ATRNL1: variants seen among roughly 807,000 people sequenced by gnomAD.
The protein encoded by ATRNL1 is attractin like 1.
ATRNL1 carries 95 observed loss-of-function variants against 182.7 expected under a neutral mutation model. The ratio of observed to expected loss-of-function variants is 0.52; its 90% CI spans 0.44 to 0.62. The LOEUF (loss-of-function observed/expected upper bound fraction) is 0.62, where lower values mean the gene tolerates loss of function less well. ATRNL1 is among the 20% of genes least tolerant of loss of function. The pLI is 0.00. For missense variants in ATRNL1, 1,471 were observed against 1,679.5 expected (o/e 0.88, Z 2.17); for synonymous variants, 576 against 568.3 (o/e 1.01, Z -0.19).
chr10:115,727,887 GTA>G (rs1329776843), intron 27 of ATRNL1, among the ~76,000 whole-genome samples: 1 of 152,024 alleles, frequency 6.6e-6, no homozygotes, highest in Non-Finnish European at 1.5e-5. Flanking sequence ...CAGAAATAGA[GTA>G]TGATGAAACA....
chr10:115,300,139 C>A lies in ATRNL1; in HGVS notation c.2521C>A (p.Pro841Thr). The A allele has an allele frequency of 6.2e-7, 1 of 1,614,030 alleles. No homozygotes were observed. The highest frequency in any genetic ancestry group is 8.5e-7 in the Non-Finnish European group (1 of 1,179,918). ...AACACTACAGTGGCTTCCTGGCGAA[C>A]CCAATGATTCTGGGTTTTGTGCATA... Reference protein sequence around the residue: ...NTTLQWLPGEPNDSGFCAYLE... With the variant: ...NTTLQWLPGETNDSGFCAYLE... The change falls in exon 16 of 29, where the codon CCC becomes ACC. Residue 841 changes from proline to threonine, a missense_variant. By Grantham distance (38) the Pro-to-Thr change is conservative. This residue lies in a region of ATRNL1 where 1,031 missense variants were observed against 1,156.0 expected (regional missense o/e 0.89). Coordinates refer to ENST00000355044, the MANE Select transcript of ATRNL1 (RefSeq NM_207303.4).
intron 10 of ATRNL1, among the ~76,000 whole-genome samples, chr10:115,259,350 G>A (rs782289857): frequency 3.3e-5 from 5 of 151,894 alleles, no homozygotes; most frequent in African/African-American, 4.9e-5. Context: ...CAGCCAGGCC[G>A]CTGCCTCGCA....
intron 21 of ATRNL1, among the ~76,000 whole-genome samples, chr10:115,440,546 A>T (rs1362575911): frequency 6.6e-6 from 1 of 151,862 alleles, no homozygotes; most frequent in African/African-American, 2.4e-5. Context: ...TAATTCATTA[A>T]CCCTACTTGT....
intron 8 of ATRNL1, among the ~76,000 whole-genome samples, chr10:115,213,549 C>T (rs1159346074): frequency 5.3e-5 from 8 of 152,142 alleles, no homozygotes; most frequent in Admixed American, 4.6e-4. Context: ...TTCTCCAGTC[C>T]CTAGCCAGTC....
rs1027157374 is a variant in ATRNL1 at position 115,457,615 on chromosome 10, C to T, written c.3323-4326C>T. On this transcript the variant is annotated intron_variant, in intron 21 of 28. Transcript: ENST00000355044. The stretch of plus-strand genomic sequence containing the variant: ...GCCCGCACATTTCCCAACCCCTCAT[C>T]CTCCATTCTCTTTCTCAGCTGATGG... 5.3e-5 allele frequency among the ~76,000 whole-genome samples: 8 copies of T among 151,982 alleles called. No homozygotes were observed. In the South Asian group the frequency reaches 1.7e-3, roughly 32 times the overall value.
At chr10:115,913,551 T>C (rs946955155) in intron 28 of ATRNL1, among the ~76,000 whole-genome samples, 6 of 152,256 alleles carry the variant, frequency 3.9e-5, no homozygotes, top group Non-Finnish European at 7.3e-5. Flanking sequence ...TTATTTCATT[T>C]AATCATCTGT....
rs5788106 is a variant in ATRNL1, at chr10:115,596,990, T to TAA, written c.3795+47461_3795+47462dup. 5.3e-5 allele frequency among the ~76,000 whole-genome samples: 8 copies of TAA among 151,674 alleles called. No individual in the cohort carries two copies. The East Asian group carries it at 5.9e-4, about 11-fold the overall frequency. The stretch of plus-strand genomic sequence containing the variant: ...AATAAGTATGAACAACAAAAAAGGT[T>TAA]AAAAAAAATCCTTCACTGTATTGTT... On this transcript the variant is annotated intron_variant, in intron 26 of 28. Transcript: ENST00000355044.
At chr10:115,552,323 G>T (rs964257693) in intron 26 of ATRNL1, among the ~76,000 whole-genome samples, 2 of 151,214 alleles carry the variant, frequency 1.3e-5, no homozygotes, top group Non-Finnish European at 3.0e-5. Flanking sequence ...CAAAGGAAAA[G>T]AACCCACTAT....
chr10:115,102,543 A>G (rs1471174135), intron 1 of ATRNL1, among the ~76,000 whole-genome samples: 3 of 152,090 alleles, frequency 2.0e-5, no homozygotes, highest in African/African-American at 7.2e-5. Context: ...CGTCAGGTTC[A>G]AGCGGTTCTC....
chr10:115,926,983 A>C (rs889978391), intron 28 of ATRNL1, among the ~76,000 whole-genome samples: 2 of 152,172 alleles, frequency 1.3e-5, no homozygotes, highest in African/African-American at 4.8e-5. Context: ...ATTTAGGCCA[A>C]TATCACTGAT....
intron 24 of ATRNL1, among the ~76,000 whole-genome samples, chr10:115,476,366 T>C (rs1011817201): frequency 2.6e-5 from 4 of 151,368 alleles, no homozygotes; most frequent in African/African-American, 9.7e-5. Flanking sequence ...AAAAGCAAAG[T>C]GCCTTCTGCT....
chr10:115,279,213 AAATAAT>A (rs1350081364), intron 13 of ATRNL1, among the ~76,000 whole-genome samples: 4 of 149,356 alleles, frequency 2.7e-5, no homozygotes, highest in South Asian at 2.1e-4. Flanking sequence ...AAAAAAAAAA[AAATAAT>A]AATAATAATA....
chr10:115,749,981 C>T (rs1948400898), intron 27 of ATRNL1, among the ~76,000 whole-genome samples: 1 of 13,890 alleles, frequency 7.2e-5, no homozygotes, highest in Non-Finnish European at 3.9e-3. Context: ...AGTTGGAAAA[C>T]TCAACATTTG....
chr10:115,232,058 T>TTA (rs1292800736), intron 9 of ATRNL1, among the ~76,000 whole-genome samples: 1 of 152,182 alleles, frequency 6.6e-6, no homozygotes, highest in Admixed American at 6.5e-5. Context: ...GTTTTTACTA[T>TTA]TATGAGCAAT....
intron 10 of ATRNL1, among the ~76,000 whole-genome samples, chr10:115,243,187 C>T (rs1188069528): frequency 5.9e-5 from 9 of 152,016 alleles, no homozygotes; most frequent in Admixed American, 5.9e-4. Flanking sequence ...AAGGAGCTTC[C>T]ACACAATGTC....
intron 19 of ATRNL1, among the ~76,000 whole-genome samples, chr10:115,346,189 AT>A: frequency 6.6e-6 from 1 of 152,142 alleles, no homozygotes. Context: ...TGCCACCATC[AT>A]TTTCATTCCT....
intron 20 of ATRNL1, among the ~76,000 whole-genome samples, chr10:115,407,900 T>A (rs1844911964): frequency 6.6e-6 from 1 of 152,090 alleles, no homozygotes; most frequent in Non-Finnish European, 1.5e-5. Flanking sequence ...ATCTTATATT[T>A]TTGTCTTAAA....
At chr10:115,851,344 A>G (rs1951051457) in intron 28 of ATRNL1, among the ~76,000 whole-genome samples, 1 of 140,832 alleles carries the variant, frequency 7.1e-6, no homozygotes, top group Non-Finnish European at 1.5e-5. Context: ...ATCTCTTTTC[A>G]GGAGCAGCTA....
chr10:115,161,550 T>C (rs782534855), intron 6 of ATRNL1, among the ~76,000 whole-genome samples: 1 of 152,042 alleles, frequency 6.6e-6, no homozygotes, highest in Non-Finnish European at 1.5e-5. Context: ...AAGAGCAACA[T>C]TGTCAACAAG....
Sources: allele counts gnomAD v4.1 joint callset (sites outside exome capture counted in the v4.1 genomes callset), GRCh38; gene constraint gnomAD v4.1.1; regional missense constraint gnomAD v4.1.1; transcripts MANE v1.5; gene names NCBI Gene and HGNC (gene_info 2026-07-23, HGNC 2026-07-21).